LRRC4C: variants seen among roughly 807,000 people sequenced by gnomAD.
LRRC4C encodes the protein leucine rich repeat containing 4C.
A neutral mutation model predicts 33.6 loss-of-function variants in LRRC4C; 5 were observed. The ratio of observed to expected loss-of-function variants is 0.15; its 90% CI spans 0.08 to 0.31. LRRC4C has a LOEUF of 0.31. Ranked by LOEUF, LRRC4C falls within the 10% of genes least tolerant of loss-of-function variation. The probability of loss-of-function intolerance (pLI) is 1.00; values close to 1 mark genes in which losing one functional copy is unlikely to be tolerated. For missense variants in LRRC4C, 560 were observed against 796.7 expected (o/e 0.70, Z 3.58); for synonymous variants, 329 against 302.0 (o/e 1.09, Z -0.93).
At chr11:40,593,927 A>G (rs1959166814) in intron 3 of LRRC4C, among the ~76,000 whole-genome samples, 1 of 152,210 alleles carries the variant, frequency 6.6e-6, no homozygotes, top group Non-Finnish European at 1.5e-5. Flanking sequence ...TTTTAGAGGA[A>G]GGTTCTATTT....
intron 3 of LRRC4C, among the ~76,000 whole-genome samples, chr11:40,526,175 G>A (rs1034574108): frequency 6.6e-6 from 1 of 151,840 alleles, no homozygotes; most frequent in South Asian, 2.1e-4. Flanking sequence ...ATTTTGGCTA[G>A]ACAAAAGTAA....
intron 2 of LRRC4C, among the ~76,000 whole-genome samples, chr11:40,759,616 A>T (rs758864594): frequency 3.9e-5 from 6 of 151,920 alleles, no homozygotes; most frequent in South Asian, 2.1e-4. Context: ...TCCACATTGT[A>T]CCCTAGCCTA....
At chr11:40,990,266 T>A (rs865875237) in intron 1 of LRRC4C, among the ~76,000 whole-genome samples, 2 of 140,732 alleles carry the variant, frequency 1.4e-5, no homozygotes, top group African/African-American at 2.6e-5. Flanking sequence ...TATATATATA[T>A]ATATATATGA....
chr11:41,036,107 A>T (rs1857049574), intron 1 of LRRC4C, among the ~76,000 whole-genome samples: 1 of 152,084 alleles, frequency 6.6e-6, no homozygotes, highest in African/African-American at 2.4e-5. Context: ...AAAAAATATC[A>T]GAAGGTAAGA....
chr11:40,758,218 C>CGAGGA (rs1485336593), intron 2 of LRRC4C, among the ~76,000 whole-genome samples: 1 of 151,880 alleles, frequency 6.6e-6, no homozygotes, highest in African/African-American at 2.4e-5. Flanking sequence ...TGCTTGTCTC[C>CGAGGA]GAGGAGCTAT....
At chr11:40,298,241 A>G (rs1327230771) in intron 4 of LRRC4C, among the ~76,000 whole-genome samples, 2 of 152,204 alleles carry the variant, frequency 1.3e-5, no homozygotes, top group Non-Finnish European at 2.9e-5. Context: ...TGAATCAGTT[A>G]GCAATGAGTG....
intron 1 of LRRC4C, among the ~76,000 whole-genome samples, chr11:41,071,400 G>A (rs1026704309): frequency 2.6e-5 from 4 of 151,856 alleles, no homozygotes; most frequent in African/African-American, 4.8e-5. Flanking sequence ...CATGTGTCCC[G>A]GAACTTAAAG....
At chr11:40,526,134 T>C (rs1297734435) in intron 3 of LRRC4C, among the ~76,000 whole-genome samples, 1 of 151,820 alleles carries the variant, frequency 6.6e-6, no homozygotes, top group Non-Finnish European at 1.5e-5. Context: ...AAAATAAAGA[T>C]TTTACAAGAA....
intron 3 of LRRC4C, among the ~76,000 whole-genome samples, chr11:40,525,694 C>T (rs1033580313): frequency 6.7e-6 from 1 of 150,186 alleles, no homozygotes; most frequent in Non-Finnish European, 1.5e-5. Context: ...TTTATGCAGT[C>T]AATAAAAATC....
chr11:40,845,379 C>G (rs1343125796), intron 2 of LRRC4C, among the ~76,000 whole-genome samples: 1 of 152,112 alleles, frequency 6.6e-6, no homozygotes, highest in East Asian at 1.9e-4. Context: ...TTGTTCAACT[C>G]CCACTTATGA....
intron 2 of LRRC4C, among the ~76,000 whole-genome samples, chr11:40,911,974 A>T (rs1956718783): frequency 6.6e-6 from 1 of 152,224 alleles, no homozygotes; most frequent in Non-Finnish European, 1.5e-5. Context: ...AATGAAATGA[A>T]GTGAGAAGGG....
intron 3 of LRRC4C, among the ~76,000 whole-genome samples, chr11:40,384,091 T>A (rs1284273875): frequency 6.6e-6 from 1 of 151,938 alleles, no homozygotes; most frequent in East Asian, 1.9e-4. Context: ...TGGAGAAGTT[T>A]TTTAGTTACA....
intron 2 of LRRC4C, among the ~76,000 whole-genome samples, chr11:40,665,327 T>A (rs867641955): frequency 0.085 from 646 of 7,612 alleles, 2 homozygotes; most frequent in African/African-American, 0.14. Context: ...AAAAAAAAAA[T>A]ATATATATAT....
chr11:40,692,455 AAGTTCAGGG>A (rs1338669308), intron 2 of LRRC4C, among the ~76,000 whole-genome samples: 1 of 152,082 alleles, frequency 6.6e-6, no homozygotes, highest in African/African-American at 2.4e-5. Flanking sequence ...TTTTTCTGAA[AAGTTCAGGG>A]CACAGTTCAA....
At chr11:40,765,804 A>C (rs1591659448) in intron 2 of LRRC4C, among the ~76,000 whole-genome samples, 1 of 152,152 alleles carries the variant, frequency 6.6e-6, no homozygotes, top group East Asian at 1.9e-4. Flanking sequence ...AAATTAAATA[A>C]AAAGGAATGA....
intron 1 of LRRC4C, among the ~76,000 whole-genome samples, chr11:41,160,298 G>T (rs1944412058): frequency 6.6e-6 from 1 of 150,976 alleles, no homozygotes; most frequent in African/African-American, 2.4e-5. Flanking sequence ...CATGCCAGGA[G>T]ATCAAGGCTG....
intron 2 of LRRC4C, among the ~76,000 whole-genome samples, chr11:40,845,660 T>C (rs1032276534): frequency 6.6e-6 from 1 of 152,206 alleles, no homozygotes; most frequent in Non-Finnish European, 1.5e-5. Context: ...TGTGTCTTTA[T>C]AGTAGGATGA....
chr11:40,753,089 G>A (rs1483902299), intron 2 of LRRC4C, among the ~76,000 whole-genome samples: 1 of 151,856 alleles, frequency 6.6e-6, no homozygotes, highest in Non-Finnish European at 1.5e-5. Flanking sequence ...TTGAGACGGA[G>A]TTGTTGATAG....
At chr11:40,210,602 G>A (rs993198829) in intron 5 of LRRC4C, among the ~76,000 whole-genome samples, 2 of 152,036 alleles carry the variant, frequency 1.3e-5, no homozygotes, top group African/African-American at 4.8e-5. Flanking sequence ...TGCATCTATT[G>A]AAATCGTCTC....
Sources: allele counts gnomAD v4.1 joint callset (sites outside exome capture counted in the v4.1 genomes callset), GRCh38; gene constraint gnomAD v4.1.1; transcripts MANE v1.5; gene names NCBI Gene and HGNC (gene_info 2026-07-23, HGNC 2026-07-21).